ACTR6: variants seen among roughly 807,000 people sequenced by gnomAD.
ACTR6 encodes the protein actin related protein 6.
A neutral mutation model predicts 52.5 loss-of-function variants in ACTR6; 50 were observed. The observed-to-expected ratio is 0.95, with a 90% CI of 0.76 to 1.20. The LOEUF (loss-of-function observed/expected upper bound fraction) is 1.20. Among genes scored for constraint, ACTR6 ranks in the 50% most tolerant of loss-of-function variants. The pLI is 0.00. For synonymous variants in ACTR6, 135 were observed against 147.2 expected (o/e 0.92, Z 0.60); for missense variants, 344 against 472.4 (o/e 0.73, Z 2.52).
chr12:100,212,588 T>C (rs1194333738), intron 8 of ACTR6, 60 bp downstream of exon 8: 6 of 1,292,568 alleles, frequency 4.6e-6, no homozygotes, highest in East Asian at 4.6e-5. Context: ...ATCCCAGCAC[T>C]TGGGGAGGCT....
chr12:100,202,238 A>G (rs969121609), intron 1 of ACTR6, among the ~76,000 whole-genome samples: 1 of 151,976 alleles, frequency 6.6e-6, no homozygotes, highest in Non-Finnish European at 1.5e-5. Flanking sequence ...GCCATGACAC[A>G]GCAATTCTGT....
chr12:100,220,147 G>GT lies in ACTR6; in HGVS notation c.1061+2dup. On this transcript the variant is annotated splice_donor_variant, in intron 10 of 10. Coordinates refer to ENST00000188312, the MANE Select transcript of ACTR6 (RefSeq NM_022496.5). LOFTEE classifies it high-confidence loss of function. The stretch of plus-strand genomic sequence containing the variant: ...ATGTTTCTGTTGTGCTGCCTGAAAA[G>GT]TAAGTGTTGTTTTATATAGAAACGA... The GT allele has an allele frequency of 1.2e-6, 2 of 1,610,886 alleles. No homozygotes were observed. The highest frequency in any genetic ancestry group is 1.7e-6 in the Non-Finnish European group (2 of 1,178,160).
chr12:100,210,180 A>T lies in ACTR6; in HGVS notation c.487A>T (p.Ser163Cys), dbSNP rs1322898982. 3.1e-6 allele frequency: 5 copies of T among 1,605,910 alleles called. No individual in the cohort carries two copies. The highest frequency in any genetic ancestry group is 4.3e-6 in the Non-Finnish European group (5 of 1,174,820). ...TACACATATAGTTCCTTATTGTAGA[A>T]GTAAAAAGAAAAAAGAAGCAATTAT... The part of the protein sequence containing the change: ...SFTHIVPYCR[S>C]KKKKEAIIRI... The change falls in exon 5 of 11, where the codon AGT (serine) becomes TGT (cysteine). Residue 163 changes from serine to cysteine, a missense_variant. Physicochemically the swap from Ser to Cys is moderately radical, Grantham distance 112. Transcript: ENST00000188312.
intron 6 of ACTR6, 32 bp from the exon 7 acceptor site, chr12:100,212,224 G>C: frequency 7.1e-7 from 1 of 1,413,484 alleles, no homozygotes; most frequent in South Asian, 1.3e-5. Flanking sequence ...TAATTGTTTT[G>C]CTTCAAATTT....
chr12:100,219,413 T>C (rs2096126377), intron 9 of ACTR6, among the ~76,000 whole-genome samples: 1 of 152,194 alleles, frequency 6.6e-6, no homozygotes, highest in South Asian at 2.1e-4. Flanking sequence ...CAGTGGTGTT[T>C]TGAAGGCTTT....
intron 2 of ACTR6, chr12:100,205,273 A>G (rs2096113524): frequency 2.7e-6 from 1 of 375,500 alleles, no homozygotes; most frequent in Non-Finnish European, 4.7e-6. Flanking sequence ...AGTGGTATGC[A>G]CACATTAATT....
At chr12:100,204,142 A>C (rs903648848) in intron 1 of ACTR6, 3 of 152,238 alleles carry the variant, frequency 2.0e-5, no homozygotes, top group African/African-American at 7.2e-5. Context: ...ACTTTAAAAA[A>C]AAATGGGGGA....
intron 9 of ACTR6, among the ~76,000 whole-genome samples, chr12:100,219,439 T>C (rs1254060607): frequency 5.3e-5 from 8 of 152,330 alleles, no homozygotes; most frequent in African/African-American, 1.9e-4. Context: ...ACATTTGCTA[T>C]CATGTAACTT....
At chr12:100,213,006 CAAAAAAA>C (rs60253803) in intron 8 of ACTR6, among the ~76,000 whole-genome samples, 28 of 66,748 alleles carry the variant, frequency 4.2e-4, no homozygotes, top group Admixed American at 2.7e-3. Context: ...GACTCTGTCT[CAAAAAAA>C]AAAAAAAAAA....
rs546328701 is a variant in ACTR6, at chr12:100,204,170, T to C, written c.69-770T>C. 2.0e-5 allele frequency: 3 copies of C among 152,250 alleles called. No homozygotes were observed. In the South Asian group the frequency reaches 6.2e-4, roughly 32 times the overall value. The allele number at this position is 152,250 out of a possible 1,614,324, so 9.4% of individuals were successfully genotyped here. A position where few individuals can be genotyped will look rare whatever the true frequency, so the allele number is the denominator to read the frequency against. The stretch of plus-strand genomic sequence containing the variant: ...ATGGGGGAGGGGCATTTTTGTGTTA[T>C]TATTATTTTAAAATAGAGACAGGGC... On this transcript the variant is annotated intron_variant, in intron 1 of 10. Coordinates refer to ENST00000188312, the MANE Select transcript of ACTR6 (RefSeq NM_022496.5).
chr12:100,210,214 T>A lies in ACTR6; in HGVS notation c.515+6T>A. The A allele has an allele frequency of 6.2e-7, 1 of 1,602,218 alleles. No homozygotes were observed. The highest frequency in any genetic ancestry group is 8.5e-7 in the Non-Finnish European group (1 of 1,172,488). Reference sequence around the variant, plus strand: ...AAAAAAGAAGCAATTATTCGGTGAGTTGTATTTAATTTTCATGTTGTTTCT... The same window carrying A: ...AAAAAAGAAGCAATTATTCGGTGAGATGTATTTAATTTTCATGTTGTTTCT... On this transcript the variant is annotated splice_donor_region_variant and intron_variant, in intron 5 of 10. Transcript: ENST00000188312.
At chr12:100,215,129 T>A (rs2096123014) in intron 8 of ACTR6, among the ~76,000 whole-genome samples, 1 of 152,210 alleles carries the variant, frequency 6.6e-6, no homozygotes, top group Non-Finnish European at 1.5e-5. Context: ...ATCTGACTGA[T>A]CATTGGAATC....
At chr12:100,209,203 T>G (rs745912569) in intron 4 of ACTR6, among the ~76,000 whole-genome samples, 1 of 152,164 alleles carries the variant, frequency 6.6e-6, no homozygotes, top group African/African-American at 2.4e-5. Context: ...TTTCAGAATT[T>G]AAGTCCATAT....
At chr12:100,212,616 A>C in intron 8 of ACTR6, 88 bp downstream of exon 8, 1 of 941,536 alleles carries the variant, frequency 1.1e-6, no homozygotes, top group Non-Finnish European at 1.7e-6. Context: ...GAGTTAAGAG[A>C]CTGGCCTGGG....
intron 8 of ACTR6, among the ~76,000 whole-genome samples, chr12:100,213,006 CAAAAAAAAAA>C (rs60253803): frequency 1.5e-5 from 1 of 66,722 alleles, no homozygotes; most frequent in African/African-American, 4.8e-5. Flanking sequence ...GACTCTGTCT[CAAAAAAAAAA>C]AAAAAAAAAA....
chr12:100,201,107 T>G, intron 1 of ACTR6, 188 bp downstream of exon 1: 1 of 1,419,780 alleles, frequency 7.0e-7, no homozygotes, highest in Non-Finnish European at 9.2e-7. Flanking sequence ...TGGTTTTAGT[T>G]TTGGGCTGCG....
At chr12:100,201,234 C>G (rs1276012489) in intron 1 of ACTR6, among the ~76,000 whole-genome samples, 1 of 152,162 alleles carries the variant, frequency 6.6e-6, no homozygotes. Flanking sequence ...CCTTTGGAAA[C>G]TATGGGCACG....
rs1349568859 is a variant in ACTR6, at chr12:100,212,277, AAC to A, written c.598_599del (p.His200CysfsTer3). On this transcript the variant is annotated frameshift_variant, in exon 7 of 11. Transcript: ENST00000188312. LOFTEE classifies it high-confidence loss of function. ...TTAGGCAGCTACATGTTATGGATGA[AAC>A]ACATGTGATTAATCAAGTGAAAGAA... ...SYRQLHVMDE[T>X]HVINQVKEDV... 2 of 1,609,714 alleles carry A rather than the reference AAC, an allele frequency of 1.2e-6. No individual in the cohort carries two copies. The highest frequency in any genetic ancestry group is 1.7e-6 in the Non-Finnish European group (2 of 1,178,500).
At chr12:100,211,937 GTT>G (rs1206233428) in intron 6 of ACTR6, among the ~76,000 whole-genome samples, 1 of 152,180 alleles carries the variant, frequency 6.6e-6, no homozygotes, top group Admixed American at 6.5e-5. Flanking sequence ...AGTGCATAGA[GTT>G]AAGGCATTGT....
Sources: gnomAD v4.1 joint callset for allele counts (sites outside exome capture counted in the v4.1 genomes callset) on GRCh38, gnomAD v4.1.1 for gene constraint, MANE v1.5 for transcripts, NCBI Gene and HGNC (gene_info 2026-07-23, HGNC 2026-07-21) for gene names.